Variants in THRAP3 observed in about 807,000 individuals in gnomAD.
THRAP3 encodes thyroid hormone receptor associated protein 3.
A neutral mutation model predicts 101.0 loss-of-function variants in THRAP3; 16 were observed. The observed-to-expected ratio is 0.16, with a 90% confidence interval of 0.11 to 0.24. The LOEUF is 0.24. Among genes scored for constraint, THRAP3 ranks in the 10% least tolerant of loss-of-function variants. The pLI is 1.00. For synonymous variants in THRAP3, 407 were observed against 422.6 expected (o/e 0.96, Z 0.45); for missense variants, 989 against 1,202.7 (o/e 0.82, Z 2.63).
chr1:36,265,736 C>T (rs1645505726), intron 2 of THRAP3, among the ~76,000 whole-genome samples: 1 of 152,192 alleles, frequency 6.6e-6, no homozygotes, highest in South Asian at 2.1e-4. Flanking sequence ...TATACATGTG[C>T]CATGGTGGTT....
intron 1 of THRAP3, among the ~76,000 whole-genome samples, chr1:36,257,185 A>G (rs1490774932): frequency 1.3e-5 from 2 of 152,078 alleles, no homozygotes; most frequent in East Asian, 3.9e-4. Flanking sequence ...GTTTCCTCAG[A>G]TAAGGCCCAG....
chr1:36,287,227 AAGG>A lies in THRAP3; in HGVS notation c.1003_1005del (p.Glu335del), dbSNP rs1645808405. On this transcript the variant is annotated inframe_deletion, in exon 4 of 12. Coordinates refer to ENST00000354618, the MANE Select transcript of THRAP3 (RefSeq NM_005119.4). ...TGGCTCCACATATGGCTCATCTCAG[AAGG>A]AGGAGAGTGCTGCTTCAGGAGGAGC... 10 of 1,613,760 alleles carry A rather than the reference AAGG, an allele frequency of 6.2e-6. No homozygotes were observed. Among genetic ancestry groups the A allele is most frequent in the Admixed American group, 1.7e-5 (1 of 59,968 alleles).
rs143861988 is a variant in THRAP3 at position 36,270,711 on chromosome 1, G to A, written c.-32+11227G>A. 9.6e-3 allele frequency among the ~76,000 whole-genome samples: 1,456 copies of A among 151,456 alleles called. 16 individuals carry two copies. The highest frequency in any genetic ancestry group is 0.034 in the African/African-American group (1,395 of 41,322). ...TCCTGCCTTAGCCTCCTGAGTAGCT[G>A]GGATTACAGGCATGCCCCACCACGC... On this transcript the variant is annotated intron_variant, in intron 2 of 11. Coordinates refer to ENST00000354618, the MANE Select transcript of THRAP3 (RefSeq NM_005119.4).
At chr1:36,257,328 T>C (rs1342337276) in intron 1 of THRAP3, among the ~76,000 whole-genome samples, 1 of 152,250 alleles carries the variant, frequency 6.6e-6, no homozygotes, top group Non-Finnish European at 1.5e-5. Context: ...GTTCCAGGCA[T>C]GAAGGGACTT....
At chr1:36,290,968 G>T (rs1235361681) in intron 5 of THRAP3, among the ~76,000 whole-genome samples, 1 of 152,124 alleles carries the variant, frequency 6.6e-6, no homozygotes, top group African/African-American at 2.4e-5. Context: ...GGTCATGCTA[G>T]CTGATCTTTT....
At chr1:36,249,187 C>T (rs535218115) in intron 1 of THRAP3, among the ~76,000 whole-genome samples, 1 of 137,862 alleles carries the variant, frequency 7.3e-6, no homozygotes, top group South Asian at 2.4e-4. Flanking sequence ...CCAGCCAGCA[C>T]AGTCCCTTTT....
At chr1:36,220,953 CAAA>C (rs1206488922), upstream of THRAP3, among the ~76,000 whole-genome samples, 10 of 44,380 alleles carry the variant, frequency 2.3e-4, no homozygotes, top group African/African-American at 9.4e-4. Context: ...GAGACTGTCT[CAAA>C]AAAAAAAAAA....
intron 1 of THRAP3, among the ~76,000 whole-genome samples, chr1:36,254,738 GA>G (rs1645351133): frequency 6.6e-6 from 1 of 152,294 alleles, no homozygotes; most frequent in Middle Eastern, 3.4e-3. Context: ...GGGAAAAAAA[GA>G]AGTTGGAATG....
At chr1:36,263,744 C>CT (rs1435551549) in intron 2 of THRAP3, among the ~76,000 whole-genome samples, 1 of 152,134 alleles carries the variant, frequency 6.6e-6, no homozygotes, top group Non-Finnish European at 1.5e-5. Flanking sequence ...TGATCCTGAG[C>CT]TTAATAGACA....
intron 1 of THRAP3, among the ~76,000 whole-genome samples, chr1:36,239,527 A>G (rs778300935): frequency 1.3e-5 from 2 of 152,136 alleles, no homozygotes; most frequent in Non-Finnish European, 2.9e-5. Context: ...TCGGCCTCCT[A>G]AATTGCTGGG....
At chr1:36,246,060 A>G (rs975900344) in intron 1 of THRAP3, among the ~76,000 whole-genome samples, 3 of 152,198 alleles carry the variant, frequency 2.0e-5, no homozygotes, top group Admixed American at 2.0e-4. Context: ...GAGGCAAGGA[A>G]AGATGAAACA....
chr1:36,279,874 C>T (rs1645709498), intron 2 of THRAP3, among the ~76,000 whole-genome samples: 1 of 152,176 alleles, frequency 6.6e-6, no homozygotes, highest in South Asian at 2.1e-4. Flanking sequence ...TCACCTTTAT[C>T]AGATTGTAAA....
chr1:36,302,769 T>C (rs1459569382), intron 11 of THRAP3, among the ~76,000 whole-genome samples: 2 of 152,230 alleles, frequency 1.3e-5, no homozygotes, highest in African/African-American at 4.8e-5. Context: ...ATTGTTTGAT[T>C]GGATCCCTCC....
chr1:36,286,727 A>G lies in THRAP3; in HGVS notation c.497A>G (p.His166Arg), dbSNP rs765423464. The G allele has an allele frequency of 3.7e-6, 6 of 1,614,206 alleles. No homozygotes were observed. Among genetic ancestry groups the G allele is most frequent in the South Asian group, 3.3e-5 (3 of 91,082 alleles). The change falls in exon 4 of 12, where the codon CAT (histidine) becomes CGT (arginine). Residue 166 changes from histidine to arginine, a missense_variant. Physicochemically the swap from His to Arg is conservative, Grantham distance 29 (BLOSUM62 0). Coordinates refer to ENST00000354618, the MANE Select transcript of THRAP3 (RefSeq NM_005119.4). This position sits in a 1 kb window ranked among gnomAD's most constrained non-coding sequence, Gnocchi z 5.5. The stretch of plus-strand genomic sequence containing the variant: ...TCATCCTCCCGTTCTTCCTCCAACC[A>G]TAGCCGAGTTGAATCTTCTAAGCGC... ...RSSSSRSSSN[H>R]SRVESSKRKS...
At chr1:36,264,801 A>G (rs1465451369) in intron 2 of THRAP3, among the ~76,000 whole-genome samples, 1 of 152,182 alleles carries the variant, frequency 6.6e-6, no homozygotes, top group African/African-American at 2.4e-5. Flanking sequence ...GAAGATATAC[A>G]GAGTTTATAT....
chr1:36,251,515 C>G (rs967926595), intron 1 of THRAP3, among the ~76,000 whole-genome samples: 3 of 152,216 alleles, frequency 2.0e-5, no homozygotes, highest in African/African-American at 7.2e-5. Context: ...CAGACTCATT[C>G]AACCTGGAAT....
chr1:36,266,731 AGATGCAAGT>A (rs1645518810), intron 2 of THRAP3, among the ~76,000 whole-genome samples: 1 of 152,216 alleles, frequency 6.6e-6, no homozygotes, highest in African/African-American at 2.4e-5. Flanking sequence ...GCATTGTCTC[AGATGCAAGT>A]GATAAGTTTA....
At chr1:36,246,960 A>G (rs1026156821) in intron 1 of THRAP3, among the ~76,000 whole-genome samples, 2 of 152,196 alleles carry the variant, frequency 1.3e-5, no homozygotes, top group East Asian at 1.9e-4. Flanking sequence ...TGTTCACATT[A>G]TAACTTTTGC....
At chr1:36,268,879 C>G (rs917633912) in intron 2 of THRAP3, among the ~76,000 whole-genome samples, 1 of 152,168 alleles carries the variant, frequency 6.6e-6, no homozygotes, top group Non-Finnish European at 1.5e-5. Context: ...GCGCCCGCCA[C>G]CACGCCCAGC....
Sources: allele counts gnomAD v4.1 joint callset (sites outside exome capture counted in the v4.1 genomes callset), GRCh38; gene constraint gnomAD v4.1.1; non-coding constraint Gnocchi (gnomAD v3.1); transcripts MANE v1.5; gene names NCBI Gene and HGNC (gene_info 2026-07-23, HGNC 2026-07-21).